Variants in YIPF7 observed in about 807,000 individuals in gnomAD.
YIPF7 encodes the protein protein YIPF7.
In YIPF7, 35 loss-of-function variants were observed where a neutral mutation model predicts 27.2. The observed-to-expected ratio is 1.29, with a 90% CI of 0.98 to 1.70. YIPF7 has a LOEUF of 1.70. YIPF7 is among the 40% of genes most tolerant of loss of function. YIPF7 has a pLI of 0.00. For missense variants in YIPF7, 358 were observed against 303.7 expected (o/e 1.18, Z -1.33); for synonymous variants, 137 against 110.4 (o/e 1.24, Z -1.51).
At chr4:44,661,218 A>G (rs1398758460) in intron 1 of YIPF7, among the ~76,000 whole-genome samples, 2 of 152,200 alleles carry the variant, frequency 1.3e-5, no homozygotes, top group Non-Finnish European at 2.9e-5. Context: ...GGGCTCAGAG[A>G]TAAACTGAAG....
At position 44,659,515 on chromosome 4, in the gene YIPF7, C is replaced by T. The variant is rs144589747; in HGVS notation, c.-2+934G>A. Among the ~76,000 whole-genome samples, 69 of 152,130 alleles carry T rather than the reference C, an allele frequency of 4.5e-4. No individual in the cohort carries two copies. The East Asian group carries it at 0.011, about 25-fold the overall frequency. On this transcript the variant is annotated intron_variant, in intron 2 of 2. Transcript: ENST00000508947. ...AAAAAGAAAAAGAAGAGCAAAGAAA[C>T]GACCAATTCATAACGGAAAAATCTG...
At chr4:44,651,180 G>C (rs1713728228) in intron 1 of YIPF7, among the ~76,000 whole-genome samples, 5 of 152,184 alleles carry the variant, frequency 3.3e-5, no homozygotes, top group African/African-American at 1.2e-4. Context: ...TATCAAATTT[G>C]TTCAGTTCAA....
chr4:44,643,093 G>T (rs892807699), intron 2 of YIPF7, among the ~76,000 whole-genome samples: 1 of 152,142 alleles, frequency 6.6e-6, no homozygotes, highest in Non-Finnish European at 1.5e-5. Context: ...GAAAAATTTG[G>T]AACTTCCTAA....
intron 2 of YIPF7, among the ~76,000 whole-genome samples, chr4:44,647,333 G>GT: frequency 6.6e-6 from 1 of 152,216 alleles, no homozygotes; most frequent in South Asian, 2.1e-4. Context: ...TAGGGAGAAA[G>GT]TTTTTTCTCT....
chr4:44,627,539 A>G (rs552964889), intron 4 of YIPF7, among the ~76,000 whole-genome samples: 71 of 152,312 alleles, frequency 4.7e-4, no homozygotes, highest in African/African-American at 1.7e-3. Context: ...CTATAATCAA[A>G]TGAATTCTGA....
chr4:44,637,096 C>G (rs946234249), intron 2 of YIPF7, among the ~76,000 whole-genome samples: 1 of 152,088 alleles, frequency 6.6e-6, no homozygotes. Context: ...CTTTTCATGG[C>G]TGAATGGTAT....
chr4:44,651,478 G>T, intron 1 of YIPF7, 76 bp downstream of exon 1: 4 of 868,918 alleles, frequency 4.6e-6, no homozygotes, highest in East Asian at 2.9e-5. Flanking sequence ...CATGACTATT[G>T]GTACTACAGT....
chr4:44,651,471 G>T (rs183986294), intron 1 of YIPF7, 83 bp downstream of exon 1: 16 of 785,176 alleles, frequency 2.0e-5, no homozygotes, highest in African/African-American at 1.3e-4. Context: ...TATGTAACAT[G>T]ACTATTGGTA....
upstream of YIPF7, among the ~76,000 whole-genome samples, chr4:44,655,779 T>C (rs931786012): frequency 1.3e-5 from 2 of 152,006 alleles, no homozygotes; most frequent in Non-Finnish European, 2.9e-5. Context: ...TAAGATTTGT[T>C]CCTGATCATC....
At chr4:44,639,071 C>T (rs1382397533) in intron 2 of YIPF7, among the ~76,000 whole-genome samples, 2 of 152,108 alleles carry the variant, frequency 1.3e-5, no homozygotes, top group Non-Finnish European at 2.9e-5. Context: ...ATAGCAGTAC[C>T]ATGCTGTTCT....
chr4:44,626,635 T>A (rs910787635), intron 4 of YIPF7, among the ~76,000 whole-genome samples: 1 of 152,152 alleles, frequency 6.6e-6, no homozygotes, highest in Non-Finnish European at 1.5e-5. Flanking sequence ...TTAGCCGAAA[T>A]CACGGCCATT....
upstream of YIPF7, among the ~76,000 whole-genome samples, chr4:44,652,109 A>G (rs1713756582): frequency 1.3e-5 from 2 of 152,254 alleles, no homozygotes; most frequent in East Asian, 3.9e-4. Context: ...CCTGCTTCCT[A>G]CTTTTCCAGC....
At chr4:44,659,531 GA>G (rs1466468680) in intron 2 of YIPF7, among the ~76,000 whole-genome samples, 1 of 152,034 alleles carries the variant, frequency 6.6e-6, no homozygotes, top group African/African-American at 2.4e-5. Context: ...ATTCATAACG[GA>G]AAAATCTGTG....
At chr4:44,648,163 T>C (rs570940982) in intron 2 of YIPF7, among the ~76,000 whole-genome samples, 1 of 152,172 alleles carries the variant, frequency 6.6e-6, no homozygotes, top group Admixed American at 6.6e-5. Flanking sequence ...GTCTGTCTTC[T>C]CATGCAAAAT....
At chr4:44,637,906 C>T (rs1193806428) in intron 2 of YIPF7, among the ~76,000 whole-genome samples, 1 of 152,140 alleles carries the variant, frequency 6.6e-6, no homozygotes, top group Non-Finnish European at 1.5e-5. Flanking sequence ...ATCTAGGTTG[C>T]TGCAAATGCC....
chr4:44,632,709 A>AT (rs949957774), intron 3 of YIPF7, among the ~76,000 whole-genome samples: 9 of 152,022 alleles, frequency 5.9e-5, no homozygotes, highest in South Asian at 2.1e-4. Flanking sequence ...TAGAAATTGT[A>AT]TTTTTTTTAT....
At chr4:44,636,130 TATC>T (rs1713112818) in intron 2 of YIPF7, 45 bp from the exon 3 acceptor site, 4 of 1,541,746 alleles carry the variant, frequency 2.6e-6, no homozygotes, top group Non-Finnish European at 3.5e-6. Context: ...AAGAAAAAGG[TATC>T]ATGACAAAGG....
At position 44,650,507 on chromosome 4, in the gene YIPF7, G is replaced by GCGCGCACACACACA. The variant is rs6148421; in HGVS notation, c.-1-407_-1-406insTGTGTGTGTGCGCG. Among the ~76,000 whole-genome samples, 531 of 137,144 alleles carry GCGCGCACACACACA rather than the reference G, an allele frequency of 3.9e-3. 1 individual carries two copies. Among genetic ancestry groups the GCGCGCACACACACA allele is most frequent in the Non-Finnish European group, 6.2e-3 (388 of 62,836 alleles). The allele number at this position is 137,144 out of a possible 152,430, so 90.0% of individuals were successfully genotyped here. A position where few individuals can be genotyped will look rare whatever the true frequency, so the allele number is the denominator to read the frequency against. On this transcript the variant is annotated intron_variant, in intron 1 of 5. Transcript: ENST00000415895. ...GGCGCACACACATGCGCGCGCGCGCGCACACACACACACACACACACACAC... is the reference window on the plus strand; with the variant it reads ...GGCGCACACACATGCGCGCGCGCGCGCGCGCACACACACACACACACACACACACACACACACAC...
At chr4:44,643,485 A>G (rs1366864837) in intron 2 of YIPF7, among the ~76,000 whole-genome samples, 1 of 152,248 alleles carries the variant, frequency 6.6e-6, no homozygotes, top group Non-Finnish European at 1.5e-5. Context: ...ATAGAAAAGA[A>G]AAGCCCATTT....
Sources: gnomAD v4.1 joint callset for allele counts (sites outside exome capture counted in the v4.1 genomes callset) on GRCh38, gnomAD v4.1.1 for gene constraint, MANE v1.5 for transcripts, NCBI Gene and HGNC (gene_info 2026-07-23, HGNC 2026-07-21) for gene names.